The following CUX1 variants were observed in gnomAD, a reference collection of about 807,000 sequenced individuals.
CUX1 encodes the protein protein CASP.
In CUX1, 31 loss-of-function variants were observed where a neutral mutation model predicts 158.8. The ratio of observed to expected loss-of-function variants is 0.20; its 90% CI spans 0.15 to 0.26. The LOEUF (loss-of-function observed/expected upper bound fraction) is 0.26, where lower values mean the gene tolerates loss of function less well. Ranked by LOEUF, CUX1 falls within the 10% of genes least tolerant of loss-of-function variation. The probability of loss-of-function intolerance (pLI) is 1.00; values close to 1 mark genes in which losing one functional copy is unlikely to be tolerated. For missense variants in CUX1, 1,589 were observed against 2,014.6 expected (o/e 0.79, Z 4.04); for synonymous variants, 879 against 862.1 (o/e 1.02, Z -0.34).
chr7:102,141,727 A>G (rs1055833747), intron 8 of CUX1, among the ~76,000 whole-genome samples: 4 of 151,022 alleles, frequency 2.6e-5, no homozygotes, highest in African/African-American at 2.4e-5. Context: ...GGTTCAAGCA[A>G]TTCTCCCACC....
At chr7:102,070,796 C>G (rs1212479805) in intron 4 of CUX1, among the ~76,000 whole-genome samples, 1 of 152,166 alleles carries the variant, frequency 6.6e-6, no homozygotes, top group African/African-American at 2.4e-5. Context: ...AGGAATGGCC[C>G]TACTAAGACA....
chr7:102,164,818 GA>G (rs1790830575), intron 9 of CUX1, among the ~76,000 whole-genome samples: 1 of 152,150 alleles, frequency 6.6e-6, no homozygotes, highest in Non-Finnish European at 1.5e-5. Context: ...TTCCTCGGGG[GA>G]CTTGCTCATC....
At chr7:101,986,901 G>T (rs1814386382) in intron 2 of CUX1, among the ~76,000 whole-genome samples, 1 of 152,142 alleles carries the variant, frequency 6.6e-6, no homozygotes, top group Non-Finnish European at 1.5e-5. Context: ...GCTCCCTGTG[G>T]CCTGAAGGAC....
At chr7:101,882,051 G>A (rs370468165) in intron 1 of CUX1, among the ~76,000 whole-genome samples, 33 of 151,756 alleles carry the variant, frequency 2.2e-4, no homozygotes, top group African/African-American at 8.0e-4. Context: ...GGGCTTGGTG[G>A]TGCACGCCTG....
intron 9 of CUX1, among the ~76,000 whole-genome samples, chr7:102,165,725 G>A (rs1790956248): frequency 6.6e-6 from 1 of 152,134 alleles, no homozygotes; most frequent in Admixed American, 6.5e-5. Context: ...ATGGGCAGGG[G>A]TTGGGGGGCC....
chr7:102,070,420 A>G lies in CUX1; in HGVS notation c.268+3A>G, dbSNP rs1224323203. On this transcript the variant is annotated splice_donor_region_variant and intron_variant, in intron 4 of 23. Coordinates refer to ENST00000292535, the MANE Select transcript of CUX1 (RefSeq NM_181552.4). ...CAAAAGATTGATTGACGTCCCAGGT[A>G]AGCCCCGGCAGTAATGGCCCACCAG... is the stretch of plus-strand genomic sequence containing the variant. 6.2e-7 allele frequency: 1 copy of G among 1,607,564 alleles called. No homozygotes were observed. Among genetic ancestry groups the G allele is most frequent in the Non-Finnish European group, 8.5e-7 (1 of 1,177,992 alleles).
intron 20 of CUX1, among the ~76,000 whole-genome samples, chr7:102,216,634 CA>C (rs1797170589): frequency 1.7e-5 from 2 of 116,390 alleles, no homozygotes; most frequent in Non-Finnish European, 3.6e-5. Context: ...CACACACCCC[CA>C]CACACGCACA....
At chr7:102,188,604 C>G (rs1447015786) in intron 11 of CUX1, 1 of 151,590 alleles carries the variant, frequency 6.6e-6, no homozygotes, top group Non-Finnish European at 1.5e-5. Flanking sequence ...GTCGGGAGTT[C>G]GAGACCAGCC....
At chr7:101,915,310 T>A (rs1804052716) in intron 1 of CUX1, among the ~76,000 whole-genome samples, 1 of 152,148 alleles carries the variant, frequency 6.6e-6, no homozygotes, top group South Asian at 2.1e-4. Context: ...GGGCACAGGT[T>A]CTCTGGCGCG....
At chr7:101,870,195 C>CAT (rs1798372131) in intron 1 of CUX1, among the ~76,000 whole-genome samples, 1 of 148,338 alleles carries the variant, frequency 6.7e-6, no homozygotes, top group Non-Finnish European at 1.5e-5. Context: ...CCTTTGTCAC[C>CAT]CAGACCGTTG....
rs1801756734 is a variant in CUX1, at chr7:102,253,613, C to G, written c.*4571C>G. On this transcript the variant is annotated 3_prime_UTR_variant, in exon 24 of 24. Coordinates refer to ENST00000292535, the MANE Select transcript of CUX1 (RefSeq NM_181552.4). ...CTGAAAAATAGCAGAGCCAGGGGAA[C>G]AGACGCATGTCCTTCTGGGAGTCAC... 1 of 985,466 alleles carries G rather than the reference C, an allele frequency of 1.0e-6. No individual in the cohort carries two copies. The highest frequency in any genetic ancestry group is 1.1e-4 in the East Asian group (1 of 8,822). The allele number at this position is 985,466 out of a possible 1,614,324, so 61.0% of individuals were successfully genotyped here.
rs1174779466 is a variant in CUX1, at chr7:102,132,680, C to CTTTT, written c.674+17423_674+17426dup. ...TTTTAATTTGTTTTTCTTTGCTTTT[C>CTTTT]TTTTTTTTTTTTTTTTTTTGAGACA... is the stretch of plus-strand genomic sequence containing the variant. On this transcript the variant is annotated intron_variant, in intron 8 of 23. Transcript: ENST00000292535. Among the ~76,000 whole-genome samples, 72 of 115,162 alleles carry CTTTT rather than the reference C, an allele frequency of 6.3e-4. 1 individual carries two copies. Among genetic ancestry groups the CTTTT allele is most frequent in the Non-Finnish European group, 8.1e-4 (48 of 59,448 alleles). 75.6% of individuals were successfully genotyped at this position (115,162 alleles called of 152,430 possible).
chr7:102,190,684 C>T (rs1794178000), intron 12 of CUX1, among the ~76,000 whole-genome samples: 1 of 152,220 alleles, frequency 6.6e-6, no homozygotes, highest in Admixed American at 6.5e-5. Flanking sequence ...CCCCGTGCTT[C>T]TCGCGGCTGG....
In CUX1 at chr7:102,251,808, A is replaced by G. The variant is rs982560328; in HGVS notation, c.*2766A>G. On this transcript the variant is annotated 3_prime_UTR_variant, in exon 24 of 24. Transcript: ENST00000292535. ...GAATGAAAAGAAGTTAACAGGAAAT[A>G]GTAGGCTAGGGTTTAGTTTTAAAGG... The G allele has an allele frequency of 1.0e-6, 1 of 985,418 alleles. No homozygotes were observed. The highest frequency in any genetic ancestry group is 1.2e-6 in the Non-Finnish European group (1 of 829,916). The allele number at this position is 985,418 out of a possible 1,614,324, so 61.0% of individuals were successfully genotyped here.
chr7:102,194,588 AGACT>A (rs1472693178), intron 13 of CUX1, among the ~76,000 whole-genome samples: 31 of 152,088 alleles, frequency 2.0e-4, no homozygotes, highest in African/African-American at 3.4e-4. Context: ...CAACAGATTG[AGACT>A]GACTATTTTT....
chr7:101,925,353 C>T (rs113368276), intron 2 of CUX1, among the ~76,000 whole-genome samples: 7 of 152,300 alleles, frequency 4.6e-5, no homozygotes, highest in Admixed American at 2.0e-4. Context: ...TCAAATGATC[C>T]ACCTGCCTCG....
chr7:101,880,549 CA>C (rs1799608688), intron 1 of CUX1, among the ~76,000 whole-genome samples: 1 of 152,056 alleles, frequency 6.6e-6, no homozygotes, highest in Non-Finnish European at 1.5e-5. Flanking sequence ...ATGATTCCCT[CA>C]ATGAAATATT....
Position 101,817,779 on chromosome 7 carries a change from C to A in CUX1, c.30+110C>A. 3 of 1,352,958 alleles carry A rather than the reference C, an allele frequency of 2.2e-6. No individual in the cohort carries two copies. Among genetic ancestry groups the A allele is most frequent in the South Asian group, 1.3e-5 (1 of 74,648 alleles). The allele number at this position is 1,352,958 out of a possible 1,614,324, so 83.8% of individuals were successfully genotyped here. Reference sequence around the variant, plus strand: ...TAGAATGCTCTAGGGCGGCCTGGTGCTCTGGGAGGGGATAGGAGGGTTCCT... The same window carrying A: ...TAGAATGCTCTAGGGCGGCCTGGTGATCTGGGAGGGGATAGGAGGGTTCCT... On this transcript the variant is annotated intron_variant, in intron 1 of 23. Transcript: ENST00000292535. The surrounding 1 kb of genome is among the most constrained non-coding windows in gnomAD (Gnocchi z 4.1).
chr7:101,966,497 C>T (rs930792577), intron 2 of CUX1, among the ~76,000 whole-genome samples: 3 of 151,970 alleles, frequency 2.0e-5, no homozygotes, highest in Admixed American at 1.3e-4. Flanking sequence ...TTGATGTGGG[C>T]TTGTCTTTGA....
Sources: gnomAD v4.1 joint callset for allele counts (sites outside exome capture counted in the v4.1 genomes callset) on GRCh38, gnomAD v4.1.1 for gene constraint, Gnocchi (gnomAD v3.1) non-coding constraint, MANE v1.5 for transcripts, NCBI Gene and HGNC (gene_info 2026-07-23, HGNC 2026-07-21) for gene names.